RUFY3: variants seen among roughly 807,000 people sequenced by gnomAD.
RUFY3 encodes RUN and FYVE domain containing 3.
A neutral mutation model predicts 84.0 loss-of-function variants in RUFY3; 34 were observed. The observed-to-expected ratio is 0.40, with a 90% CI of 0.31 to 0.54. RUFY3 has a LOEUF of 0.54. Among genes scored for constraint, RUFY3 ranks in the 20% least tolerant of loss-of-function variants. The probability of loss-of-function intolerance (pLI) is 0.39; values close to 1 mark genes in which losing one functional copy is unlikely to be tolerated. For synonymous variants in RUFY3, 242 were observed against 252.9 expected (o/e 0.96, Z 0.41); for missense variants, 507 against 736.8 (o/e 0.69, Z 3.61).
At chr4:70,767,259 ATTTTTTTTTTT>A (rs779388140) in intron 4 of RUFY3, among the ~76,000 whole-genome samples, 8 of 49,678 alleles carry the variant, frequency 1.6e-4, no homozygotes, top group South Asian at 1.3e-3. Context: ...CTAATTTTGT[ATTTTTTTTTTT>A]TTTTTTTTTT....
chr4:70,733,754 C>T (rs1007730097), intron 1 of RUFY3, among the ~76,000 whole-genome samples: 27 of 151,988 alleles, frequency 1.8e-4, no homozygotes, highest in Non-Finnish European at 2.9e-5. Flanking sequence ...TATAGGTATA[C>T]ATAAACACAA....
Position 70,806,698 on chromosome 4 carries a change from G to T in RUFY3, c.*39G>T. 1 of 1,612,282 alleles carries T rather than the reference G, an allele frequency of 6.2e-7. No individual in the cohort carries two copies. The highest frequency in any genetic ancestry group is 8.5e-7 in the Non-Finnish European group (1 of 1,178,788). On this transcript the variant is annotated 3_prime_UTR_variant, in exon 18 of 18. Coordinates refer to ENST00000381006, the MANE Select transcript of RUFY3 (RefSeq NM_001037442.4). ...GACCTGGACCAAAACGTTTATGCAGGCTCCTCTGTACCTGTGTTTTAGCTG... is the reference window on the plus strand; with the variant it reads ...GACCTGGACCAAAACGTTTATGCAGTCTCCTCTGTACCTGTGTTTTAGCTG...
chr4:70,705,139 T>A (rs1328780188), exon 1 of RUFY3: 30 of 1,453,052 alleles, frequency 2.1e-5, no homozygotes, highest in Non-Finnish European at 2.6e-5. Context: ...TTCTTCCTGC[T>A]GTACCCCGGC....
intron 1 of RUFY3, among the ~76,000 whole-genome samples, chr4:70,757,087 T>C (rs367795361): frequency 4.6e-5 from 7 of 151,416 alleles, no homozygotes; most frequent in African/African-American, 1.5e-4. Context: ...CTGGGCAACA[T>C]AGGGAGACCC....
chr4:70,766,649 C>A (rs777051930), intron 4 of RUFY3, among the ~76,000 whole-genome samples: 6 of 152,102 alleles, frequency 3.9e-5, no homozygotes, highest in Non-Finnish European at 8.8e-5. Flanking sequence ...ATACCCTTCC[C>A]CCCTGTACAA....
intron 12 of RUFY3, chr4:70,792,425 A>C: frequency 1.0e-6 from 1 of 984,158 alleles, no homozygotes; most frequent in Non-Finnish European, 1.2e-6. Flanking sequence ...CACAAGCAAT[A>C]TTAGCAGGGC....
chr4:70,801,097 C>T (rs1173805364), intron 15 of RUFY3, among the ~76,000 whole-genome samples: 1 of 151,010 alleles, frequency 6.6e-6, no homozygotes, highest in African/African-American at 2.4e-5. Flanking sequence ...TTACATAGTG[C>T]CACTGCATTA....
intron 1 of RUFY3, among the ~76,000 whole-genome samples, chr4:70,740,018 A>G (rs1721067166): frequency 6.6e-6 from 1 of 151,202 alleles, no homozygotes; most frequent in Non-Finnish European, 1.5e-5. Context: ...AAGATGAAAC[A>G]CCCATAGACC....
At position 70,796,885 on chromosome 4, in the gene RUFY3, T is replaced by G. The variant is rs1731584162; in HGVS notation, c.1557+1991T>G. On this transcript the variant is annotated intron_variant, in intron 14 of 17. Coordinates refer to ENST00000381006, the MANE Select transcript of RUFY3 (RefSeq NM_001037442.4). ...CCACCAATTTGATGTTTGTTCTTGC[T>G]TCAATTTTAGCAGAATTCATATTAC... Among the ~76,000 whole-genome samples, 4 of 152,178 alleles carry G rather than the reference T, an allele frequency of 2.6e-5. No homozygotes were observed. The South Asian group carries it at 8.3e-4, about 32-fold the overall frequency.
At chr4:70,755,747 C>T (rs183948769) in intron 1 of RUFY3, among the ~76,000 whole-genome samples, 278 of 152,142 alleles carry the variant, frequency 1.8e-3, no homozygotes, top group Non-Finnish European at 2.7e-3. Flanking sequence ...GTCAGGAGAT[C>T]AAGACCATCC....
At chr4:70,737,535 C>A (rs1256052668) in intron 1 of RUFY3, among the ~76,000 whole-genome samples, 3 of 152,134 alleles carry the variant, frequency 2.0e-5, no homozygotes, top group African/African-American at 4.8e-5. Flanking sequence ...AGCATGAGAG[C>A]AAAGGGTCTA....
chr4:70,764,643 A>G (rs1342093388), intron 4 of RUFY3, 67 bp downstream of exon 4: 18 of 899,926 alleles, frequency 2.0e-5, no homozygotes, highest in South Asian at 1.1e-4. Flanking sequence ...GTCAAACCAT[A>G]TAAGTTCACT....
chr4:70,747,123 A>G (rs1722357654), intron 1 of RUFY3, among the ~76,000 whole-genome samples: 1 of 152,254 alleles, frequency 6.6e-6, no homozygotes, highest in Admixed American at 6.5e-5. Context: ...ATCTCAAAAC[A>G]GAAAATGCAA....
chr4:70,804,800 C>T (rs1732662872), intron 17 of RUFY3, among the ~76,000 whole-genome samples: 1 of 150,770 alleles, frequency 6.6e-6, no homozygotes, highest in African/African-American at 2.4e-5. Context: ...GCGTGGTGGC[C>T]TGTAATCCCA....
At chr4:70,758,543 T>C (rs1394682767) in intron 1 of RUFY3, among the ~76,000 whole-genome samples, 1 of 152,144 alleles carries the variant, frequency 6.6e-6, no homozygotes, top group African/African-American at 2.4e-5. Context: ...TTGTGTTCAT[T>C]TACAATGAGC....
intron 1 of RUFY3, among the ~76,000 whole-genome samples, chr4:70,713,793 C>G (rs1158449607): frequency 6.6e-6 from 1 of 152,136 alleles, no homozygotes; most frequent in Non-Finnish European, 1.5e-5. Flanking sequence ...GGTGAGAATG[C>G]TTGGTAAAAT....
At chr4:70,705,324 GC>G (rs1396910156) in intron 1 of RUFY3, 2 of 1,324,426 alleles carry the variant, frequency 1.5e-6, no homozygotes, top group African/African-American at 3.1e-5. Context: ...GGGGACGCCC[GC>G]GGGGAAGGGA....
chr4:70,774,644 A>AAAAAAAAAAAAAAATATATATAT (rs1553916771), intron 6 of RUFY3, among the ~76,000 whole-genome samples: 1 of 56,686 alleles, frequency 1.8e-5, no homozygotes, highest in African/African-American at 8.4e-5. Context: ...AAAAAAAAAA[A>AAAAAAAAAAAAAAATATATATAT]ATATATATAT....
rs569862963 is a variant in RUFY3, at chr4:70,800,173, T to TA, written c.1593dup (p.Leu532ThrfsTer18). 2 of 1,607,358 alleles carry TA rather than the reference T, an allele frequency of 1.2e-6. No homozygotes were observed. Among genetic ancestry groups the TA allele is most frequent in the Non-Finnish European group, 1.7e-6 (2 of 1,178,424 alleles). ...AGCACAAAATGCAAGAGGAAAATGT[T>TA]AAACTAAAAAAGCCCCTGGAAGAAA... On this transcript the variant is annotated frameshift_variant, in exon 15 of 18. Transcript: ENST00000381006. LOFTEE classifies it high-confidence loss of function.
Sources: gnomAD v4.1 joint callset for allele counts (sites outside exome capture counted in the v4.1 genomes callset) on GRCh38, gnomAD v4.1.1 for gene constraint, MANE v1.5 for transcripts, NCBI Gene and HGNC (gene_info 2026-07-23, HGNC 2026-07-21) for gene names.